The following MTMR6 variants were observed in gnomAD, a reference collection of about 807,000 sequenced individuals.
MTMR6 encodes myotubularin related protein 6, also known as phosphatidylinositol-3,5-bisphosphate 3-phosphatase MTMR6.
MTMR6 carries 47 observed loss-of-function variants against 80.1 expected under a neutral mutation model. The ratio of observed to expected loss-of-function variants is 0.59; its 90% CI spans 0.46 to 0.75. MTMR6 has a LOEUF of 0.75. MTMR6 is among the 30% of genes least tolerant of loss of function. MTMR6 has a pLI of 0.00. For synonymous variants in MTMR6, 254 were observed against 253.0 expected (o/e 1.00, Z -0.04); for missense variants, 629 against 730.9 (o/e 0.86, Z 1.61).
intron 6 of MTMR6, chr13:25,260,486 A>G (rs1322086965): frequency 3.6e-6 from 2 of 559,674 alleles, no homozygotes; most frequent in Admixed American, 9.2e-5. Context: ...CTTTTGTGAA[A>G]TTGCATAATG....
chr13:25,258,659 CT>C lies in MTMR6; in HGVS notation c.759del (p.Gly254ValfsTer24). 1 of 1,589,726 alleles carries C rather than the reference CT, an allele frequency of 6.3e-7. No homozygotes were observed. Among genetic ancestry groups the C allele is most frequent in the African/African-American group, 1.4e-5 (1 of 73,470 alleles). Reference sequence around the variant, plus strand: ...GAATAGTTGTCTTCATTTTCATAACCTTTTCCAGCTGCTCTGTTGGCCATTG... The same window carrying C: ...GAATAGTTGTCTTCATTTTCATAACCTTTCCAGCTGCTCTGTTGGCCATTG... ...LNAMANRAAGKGYENEDNYSN... is the reference protein window; with the variant it reads ...LNAMANRAAGXGYENEDNYSN... On this transcript the variant is annotated frameshift_variant, in exon 7 of 14. Coordinates refer to ENST00000381801, the MANE Select transcript of MTMR6 (RefSeq NM_004685.5). LOFTEE classifies it high-confidence loss of function.
chr13:25,263,802 C>A (rs1459442785), intron 5 of MTMR6, among the ~76,000 whole-genome samples: 8 of 152,312 alleles, frequency 5.3e-5, no homozygotes, highest in East Asian at 1.9e-4. Context: ...AGGAGAATCA[C>A]TGGAACCCAG....
At chr13:25,277,974 G>C (rs1447118540) in intron 1 of MTMR6, among the ~76,000 whole-genome samples, 1 of 152,132 alleles carries the variant, frequency 6.6e-6, no homozygotes, top group Non-Finnish European at 1.5e-5. Context: ...ATTTTGGTCA[G>C]CTATACAGGA....
At chr13:25,285,850 T>C (rs973886054) in intron 1 of MTMR6, among the ~76,000 whole-genome samples, 23 of 152,130 alleles carry the variant, frequency 1.5e-4, no homozygotes, top group Admixed American at 1.4e-3. Context: ...CGGTTTTCGA[T>C]TGTGTGCTAT....
Position 25,257,191 on chromosome 13 carries a change from C to G in MTMR6, c.1095+5G>C, listed in dbSNP as rs1205336821. The G allele has an allele frequency of 6.2e-7, 1 of 1,611,892 alleles. No individual in the cohort carries two copies. Among genetic ancestry groups the G allele is most frequent in the African/African-American group, 1.3e-5 (1 of 74,890 alleles). ...AACCATTGGTCTAACCAAATAAATC[C>G]TTACCATGAATCCTTTGATTGTCCT... On this transcript the variant is annotated splice_donor_5th_base_variant and intron_variant, in intron 9 of 13. Transcript: ENST00000381801.
chr13:25,272,103 C>T lies in MTMR6; in HGVS notation c.141+1968G>A, dbSNP rs115498383. Among the ~76,000 whole-genome samples, 456 of 152,248 alleles carry T rather than the reference C, an allele frequency of 3.0e-3. 6 individuals carry two copies. The highest frequency in any genetic ancestry group is 0.01 in the African/African-American group (434 of 41,546). On this transcript the variant is annotated intron_variant, in intron 2 of 13. Transcript: ENST00000381801. ...GAAACAGTCAATAAATGGCGCCGGT[C>T]GTCTATACGAAAACATAAAAATGAA...
Position 25,248,275 on chromosome 13 carries a change from A to G in MTMR6, c.*957T>C, listed in dbSNP as rs1957021136. The G allele has an allele frequency of 6.6e-6, 1 of 152,144 alleles. No individual in the cohort carries two copies. The highest frequency in any genetic ancestry group is 2.4e-5 in the African/African-American group (1 of 41,448). 9.4% of individuals were successfully genotyped at this position (152,144 alleles called of 1,614,324 possible). Reference sequence around the variant, plus strand: ...CAGGAACAGCAACTCATTGAGCAATAAGGCAGTTTAAAAATATACATATAC... The same window carrying G: ...CAGGAACAGCAACTCATTGAGCAATGAGGCAGTTTAAAAATATACATATAC... On this transcript the variant is annotated 3_prime_UTR_variant, in exon 14 of 14. Transcript: ENST00000381801.
chr13:25,277,070 T>C (rs1486031726), intron 1 of MTMR6, among the ~76,000 whole-genome samples: 6 of 152,218 alleles, frequency 3.9e-5, no homozygotes, highest in Non-Finnish European at 7.3e-5. Context: ...AGCCGTGTTA[T>C]ACATACTGAA....
At chr13:25,284,142 G>A (rs950344276) in intron 1 of MTMR6, among the ~76,000 whole-genome samples, 1 of 152,082 alleles carries the variant, frequency 6.6e-6, no homozygotes, top group South Asian at 2.1e-4. Flanking sequence ...GACAAAAAGA[G>A]GTTTGGGGGG....
rs1272327551 is a variant in MTMR6 at position 25,249,439 on chromosome 13, C to T, written c.1659G>A (p.Leu553=). The change falls in exon 14 of 14, where the codon TTG becomes TTA. Residue 553 remains leucine (L), a synonymous_variant. Coordinates refer to ENST00000381801, the MANE Select transcript of MTMR6 (RefSeq NM_004685.5). ...GTGATTCAGGATGAACTGAATGTAA[C>T]AATTCCTTGGTGAGGATGCCATCTG... The part of the protein sequence containing the change: ...KQTDGILTKE[L]LHSVHPESPN... 2 of 1,614,044 alleles carry T rather than the reference C, an allele frequency of 1.2e-6. No homozygotes were observed. Among genetic ancestry groups the T allele is most frequent in the Non-Finnish European group, 1.7e-6 (2 of 1,179,938 alleles).
At position 25,247,898 on chromosome 13, in the gene MTMR6, A is replaced by C. The variant is rs1205700868; in HGVS notation, c.*1334T>G. On this transcript the variant is annotated 3_prime_UTR_variant, in exon 14 of 14. Coordinates refer to ENST00000381801, the MANE Select transcript of MTMR6 (RefSeq NM_004685.5). ...TGTACTTCATGCCACCATGTTATTT[A>C]AATTTTCAATTTTAAAGCCAGTTGG... 1 of 152,152 alleles carries C rather than the reference A, an allele frequency of 6.6e-6. No individual in the cohort carries two copies. The highest frequency in any genetic ancestry group is 1.5e-5 in the Non-Finnish European group (1 of 67,968). The allele number at this position is 152,152 out of a possible 1,614,324, so 9.4% of individuals were successfully genotyped here.
intron 6 of MTMR6, among the ~76,000 whole-genome samples, chr13:25,260,332 C>T (rs1203778710): frequency 6.6e-6 from 1 of 151,834 alleles, no homozygotes; most frequent in African/African-American, 2.4e-5. Flanking sequence ...CCATGCCCGG[C>T]TAATTATGTA....
chr13:25,273,993 T>G (rs1471084250), intron 2 of MTMR6, 78 bp downstream of exon 2: 1 of 1,046,860 alleles, frequency 9.6e-7, no homozygotes, highest in Non-Finnish European at 1.4e-6. Context: ...AAAATTGTGT[T>G]ATACACATTC....
At chr13:25,266,642 TG>T (rs1957460618) in intron 3 of MTMR6, among the ~76,000 whole-genome samples, 2 of 152,350 alleles carry the variant, frequency 1.3e-5, no homozygotes, top group South Asian at 4.1e-4. Flanking sequence ...AATAGACTAA[TG>T]TTATAATGAG....
chr13:25,282,228 C>A (rs987920894), intron 1 of MTMR6, among the ~76,000 whole-genome samples: 5 of 152,092 alleles, frequency 3.3e-5, no homozygotes, highest in Non-Finnish European at 7.4e-5. Flanking sequence ...CAAGAGTCAC[C>A]TTCTCTGTAA....
chr13:25,255,316 C>A (rs922441930), intron 9 of MTMR6, among the ~76,000 whole-genome samples: 1 of 152,248 alleles, frequency 6.6e-6, no homozygotes, highest in Non-Finnish European at 1.5e-5. Flanking sequence ...AGATTTTATT[C>A]TGGTCTCTCT....
intron 1 of MTMR6, among the ~76,000 whole-genome samples, chr13:25,286,707 G>GA (rs1303699189): frequency 5.3e-5 from 8 of 152,136 alleles, no homozygotes; most frequent in Non-Finnish European, 5.9e-5. Flanking sequence ...CGGAAACACC[G>GA]GATGCGAAAG....
chr13:25,257,634 T>C, intron 8 of MTMR6, 102 bp downstream of exon 8: 1 of 832,236 alleles, frequency 1.2e-6, no homozygotes, highest in Non-Finnish European at 1.8e-6. Context: ...TAAAAAATAA[T>C]AAAAGTTATC....
At chr13:25,261,527 G>T in intron 6 of MTMR6, 141 bp downstream of exon 6, 1 of 690,188 alleles carries the variant, frequency 1.4e-6, no homozygotes, top group Non-Finnish European at 2.1e-6. Flanking sequence ...ATAAAGGATT[G>T]ATTTCCTTAG....
Sources: allele counts gnomAD v4.1 joint callset (sites outside exome capture counted in the v4.1 genomes callset), GRCh38; gene constraint gnomAD v4.1.1; transcripts MANE v1.5; gene names NCBI Gene and HGNC (gene_info 2026-07-23, HGNC 2026-07-21).